Variants in LINC00632 observed in about 807,000 individuals in gnomAD.
LINC00632 encodes the protein long independently transcribed non-coding RNA 632.
intron 3 of LINC00632, among the ~76,000 whole-genome samples, chrX:140,771,171 T>C (rs1348310738): frequency 2.7e-5 from 3 of 111,077 alleles, no homozygotes; most frequent in Non-Finnish European, 5.6e-5. Flanking sequence ...TAAAAATGAA[T>C]AAGTGAACAT....
At chrX:140,762,234 A>AGGGAGAGC in intron 3 of LINC00632, among the ~76,000 whole-genome samples, 1 of 105,903 alleles carries the variant, frequency 9.4e-6, no homozygotes, top group East Asian at 3.1e-4. Context: ...AGAGAGAGAG[A>AGGGAGAGC]GAGAGAGAGC....
At chrX:140,774,403 G>T (rs185013357) in exon 5 of LINC00632, among the ~76,000 whole-genome samples, 1 of 111,739 alleles carries the variant, frequency 8.9e-6, no homozygotes, top group African/African-American at 3.3e-5. Context: ...TACTTGACAG[G>T]GGAGAAGAGG....
intron 3 of LINC00632, among the ~76,000 whole-genome samples, chrX:140,753,256 A>G (rs191948467): frequency 5.8e-4 from 65 of 112,346 alleles, no homozygotes; most frequent in African/African-American, 2.0e-3. Flanking sequence ...AATTATCAGT[A>G]TAATTTGGGA....
intron 2 of LINC00632, among the ~76,000 whole-genome samples, chrX:140,733,415 C>G (rs1287877524): frequency 9.0e-6 from 1 of 111,576 alleles, no homozygotes; most frequent in Non-Finnish European, 1.9e-5. Flanking sequence ...GCATTTTTAT[C>G]CCAGCTCCAT....
chrX:140,709,914 G>T (rs974401128), intron 1 of LINC00632: 64 of 264,371 alleles, frequency 2.4e-4, no homozygotes, highest in African/African-American at 1.7e-3. Flanking sequence ...AGGAATCTCT[G>T]ATTCTAATCA....
chrX:140,787,632 A>G (rs1221531578), exon 5 of LINC00632, among the ~76,000 whole-genome samples: 1 of 111,500 alleles, frequency 9.0e-6, no homozygotes, highest in East Asian at 2.8e-4. Flanking sequence ...TCATCACAGC[A>G]AAAAAATTAC....
chrX:140,780,318 G>T (rs1319222605), exon 5 of LINC00632, among the ~76,000 whole-genome samples: 1 of 111,500 alleles, frequency 9.0e-6, no homozygotes, highest in African/African-American at 3.3e-5. Flanking sequence ...TATGCATGAT[G>T]GTTTTAAGAT....
chrX:140,725,091 A>T (rs1199937388), intron 2 of LINC00632, among the ~76,000 whole-genome samples: 1 of 45,494 alleles, frequency 2.2e-5, no homozygotes, highest in East Asian at 9.2e-4. Flanking sequence ...ACAGACACAC[A>T]TTTGATACAC....
rs1931458760 is a variant in LINC00632 at position 140,754,332 on chromosome X, A to AT, written n.192-17745dup. Among the ~76,000 whole-genome samples, 3 of 111,347 alleles carry AT rather than the reference A, an allele frequency of 2.7e-5. No homozygotes were observed. In the Admixed American group the frequency reaches 2.9e-4, roughly 11 times the overall value. ...CCATAAGGCCATGGGTGGTGTAATCATAAAAAAAAAGACTTTGTTATATGA... is the reference window on the plus strand; with the variant it reads ...CCATAAGGCCATGGGTGGTGTAATCATTAAAAAAAAAGACTTTGTTATATGA... On this transcript the variant is annotated intron_variant and non_coding_transcript_variant, in intron 3 of 4. Coordinates refer to ENST00000648200, the Ensembl canonical transcript of LINC00632.
chrX:140,758,734 G>A (rs1160488363), intron 3 of LINC00632, among the ~76,000 whole-genome samples: 1 of 110,820 alleles, frequency 9.0e-6, no homozygotes, highest in Non-Finnish European at 1.9e-5. Context: ...CTTGGAAGAC[G>A]TTGATATTTG....
intron 3 of LINC00632, among the ~76,000 whole-genome samples, chrX:140,742,691 T>C (rs1602742958): frequency 9.1e-6 from 1 of 110,466 alleles, no homozygotes; most frequent in Admixed American, 9.8e-5. Flanking sequence ...TTTGTTCATA[T>C]TCATGTAGGC....
chrX:140,755,526 C>T (rs1322733503), intron 3 of LINC00632, among the ~76,000 whole-genome samples: 3 of 112,287 alleles, frequency 2.7e-5, no homozygotes, highest in Admixed American at 9.5e-5. Context: ...GTGAAGCTTT[C>T]ATGAGTTGCT....
At chrX:140,713,688 G>A (rs1602730065) in intron 2 of LINC00632, 1 of 341,746 alleles carries the variant, frequency 2.9e-6, no homozygotes. Context: ...AAGGCACACC[G>A]ACAAGCACCA....
chrX:140,784,966 CAGAT>C (rs1358399624), exon 5 of LINC00632: 1 of 122,584 alleles, frequency 8.2e-6, no homozygotes, highest in Non-Finnish European at 1.9e-5. Context: ...GCAGAATAAA[CAGAT>C]AGGACTGCTG....
At chrX:140,777,803 GTCTT>G (rs1343427538) in exon 5 of LINC00632, among the ~76,000 whole-genome samples, 4 of 112,249 alleles carry the variant, frequency 3.6e-5, no homozygotes, top group African/African-American at 9.7e-5. Context: ...GGTGTCTAAA[GTCTT>G]TCTATCTCTG....
chrX:140,743,070 C>T (rs113340467), intron 3 of LINC00632, among the ~76,000 whole-genome samples: 1 of 107,147 alleles, frequency 9.3e-6, no homozygotes, highest in Admixed American at 1.0e-4. Flanking sequence ...ACTAAAAATA[C>T]AAAAATTAGC....
At chrX:140,714,231 C>T in intron 2 of LINC00632, 1 of 161,567 alleles carries the variant, frequency 6.2e-6, no homozygotes, top group Non-Finnish European at 1.2e-5. Flanking sequence ...AGACTCACCC[C>T]ATTGTGTACA....
exon 5 of LINC00632, chrX:140,783,215 C>T (rs370183929): frequency 9.8e-5 from 20 of 203,394 alleles, no homozygotes; most frequent in South Asian, 2.8e-4. Flanking sequence ...CCAACAACTC[C>T]GGGTCTTCCA....
chrX:140,765,390 C>G (rs943594252), intron 3 of LINC00632, among the ~76,000 whole-genome samples: 1 of 111,810 alleles, frequency 8.9e-6, no homozygotes, highest in African/African-American at 3.3e-5. Flanking sequence ...GCATTGGAAC[C>G]GCCCGATCCC....
Sources: allele counts gnomAD v4.1 joint callset (sites outside exome capture counted in the v4.1 genomes callset), GRCh38; gene constraint gnomAD v4.1.1; transcripts MANE v1.5; gene names NCBI Gene and HGNC (gene_info 2026-07-23, HGNC 2026-07-21).